Variants in VRK1 observed in about 807,000 individuals in gnomAD.
VRK1 encodes serine/threonine-protein kinase VRK1.
Under a neutral mutation model 57.1 loss-of-function variants are expected in VRK1, and 33 were observed. The observed-to-expected ratio is 0.58, with a 90% CI of 0.44 to 0.77. The LOEUF is 0.77. VRK1 is among the 30% of genes least tolerant of loss of function. The pLI is 0.00. For missense variants in VRK1, 413 were observed against 477.3 expected (o/e 0.87, Z 1.25); for synonymous variants, 137 against 147.8 (o/e 0.93, Z 0.53).
rs142551720 is a variant in VRK1, at chr14:96,797,737, C to T, written c.-6+290C>T. 7.9e-4 allele frequency among the ~76,000 whole-genome samples: 120 copies of T among 152,322 alleles called. 1 individual carries two copies. The highest frequency in any genetic ancestry group is 2.8e-3 in the African/African-American group (115 of 41,590). On this transcript the variant is annotated intron_variant, in intron 1 of 12. Coordinates refer to ENST00000216639, the MANE Select transcript of VRK1 (RefSeq NM_003384.3). ...CCATCTGAGCTCCACGTTCTGGACGCGCGTGGTGTCGCGGCCGAGCTCGCA... is the reference window on the plus strand; with the variant it reads ...CCATCTGAGCTCCACGTTCTGGACGTGCGTGGTGTCGCGGCCGAGCTCGCA...
chr14:96,853,293 C>T, intron 7 of VRK1, 127 bp downstream of exon 7: 1 of 794,062 alleles, frequency 1.3e-6, no homozygotes, highest in Non-Finnish European at 2.1e-6. Context: ...AATATTTCTT[C>T]TTGACACTTT....
rs143517628 is a variant in VRK1 at position 96,854,605 on chromosome 14, ATTTACT to A, written c.577-614_577-609del. Among the ~76,000 whole-genome samples, 534 of 152,328 alleles carry A rather than the reference ATTTACT, an allele frequency of 3.5e-3. 1 individual carries two copies. The highest frequency in any genetic ancestry group is 0.012 in the African/African-American group (489 of 41,566). On this transcript the variant is annotated intron_variant, in intron 7 of 12. Transcript: ENST00000216639. Reference sequence around the variant, plus strand: ...GAATAAGTATGTATATAATATTAAAATTTACTTTTAATCATGAAGACTTGGCTTTAG... The same window carrying A: ...GAATAAGTATGTATATAATATTAAAATTTAATCATGAAGACTTGGCTTTAG...
At chr14:96,845,997 G>T (rs1179560705) in intron 3 of VRK1, 98 bp from the exon 4 acceptor site, 10 of 1,102,050 alleles carry the variant, frequency 9.1e-6, no homozygotes, top group African/African-American at 1.6e-5. Flanking sequence ...AATTACATTG[G>T]ACAGAAAAAT....
At chr14:96,870,038 A>G (rs1481790183) in intron 11 of VRK1, among the ~76,000 whole-genome samples, 3 of 152,168 alleles carry the variant, frequency 2.0e-5, no homozygotes, top group Admixed American at 2.0e-4. Flanking sequence ...TACATTTTTA[A>G]TTCTTGAGCA....
intron 11 of VRK1, among the ~76,000 whole-genome samples, chr14:96,861,617 A>C (rs1888392426): frequency 6.6e-6 from 1 of 152,230 alleles, no homozygotes; most frequent in African/African-American, 2.4e-5. Flanking sequence ...CAGACGCAGC[A>C]CATTGAAAAG....
At chr14:96,805,236 A>G (rs930175457) in intron 1 of VRK1, among the ~76,000 whole-genome samples, 1 of 152,230 alleles carries the variant, frequency 6.6e-6, no homozygotes. Context: ...ACTGCATAAG[A>G]ACAAATGGCT....
chr14:96,828,000 C>T (rs1886865045), intron 1 of VRK1, among the ~76,000 whole-genome samples: 1 of 152,128 alleles, frequency 6.6e-6, no homozygotes, highest in African/African-American at 2.4e-5. Context: ...CCCTTAGTCC[C>T]CAAAGTGATA....
intron 1 of VRK1, among the ~76,000 whole-genome samples, chr14:96,805,066 G>C (rs1021442304): frequency 6.6e-6 from 1 of 152,210 alleles, no homozygotes; most frequent in African/African-American, 2.4e-5. Flanking sequence ...AACATGAAGA[G>C]TTCATAAATC....
chr14:96,818,466 C>T (rs1392422673), intron 1 of VRK1, among the ~76,000 whole-genome samples: 1 of 151,352 alleles, frequency 6.6e-6, no homozygotes. Flanking sequence ...TTCTTTCCAG[C>T]TTAGGTGTGA....
intron 1 of VRK1, among the ~76,000 whole-genome samples, chr14:96,807,497 A>G (rs1373691879): frequency 6.6e-6 from 1 of 152,218 alleles, no homozygotes; most frequent in East Asian, 1.9e-4. Context: ...CTTTGAATTG[A>G]ATTCTGTGCT....
chr14:96,818,731 G>A (rs554500316), intron 1 of VRK1, among the ~76,000 whole-genome samples: 3 of 152,072 alleles, frequency 2.0e-5, no homozygotes, highest in Admixed American at 2.0e-4. Context: ...GGACAGATTG[G>A]GTGTTCCTAA....
intron 1 of VRK1, among the ~76,000 whole-genome samples, chr14:96,805,046 A>C (rs910507161): frequency 6.6e-5 from 10 of 152,254 alleles, no homozygotes; most frequent in African/African-American, 2.4e-4. Context: ...TGAGCAACTG[A>C]AATGATAAAA....
chr14:96,864,523 A>T (rs79661341), intron 11 of VRK1, among the ~76,000 whole-genome samples: 1 of 152,172 alleles, frequency 6.6e-6, no homozygotes, highest in African/African-American at 2.4e-5. Context: ...TGGACATTCA[A>T]ATTGTTCCAG....
intron 1 of VRK1, among the ~76,000 whole-genome samples, chr14:96,818,677 A>G (rs1223140643): frequency 3.9e-5 from 6 of 152,144 alleles, no homozygotes; most frequent in Non-Finnish European, 7.4e-5. Flanking sequence ...GAATTTTTTT[A>G]TACTTTCATT....
chr14:96,842,673 A>G (rs1595667508), intron 3 of VRK1, among the ~76,000 whole-genome samples: 2 of 152,264 alleles, frequency 1.3e-5, no homozygotes, highest in South Asian at 4.1e-4. Context: ...GTAATAGCAT[A>G]TCACACAGTG....
intron 1 of VRK1, among the ~76,000 whole-genome samples, 160 bp from the exon 2 acceptor site, chr14:96,833,307 G>C (rs1327070607): frequency 6.6e-6 from 1 of 152,128 alleles, no homozygotes; most frequent in Non-Finnish European, 1.5e-5. Flanking sequence ...TAATCAAATA[G>C]GATTTGAGCC....
intron 11 of VRK1, among the ~76,000 whole-genome samples, chr14:96,869,663 TTAA>T (rs968516340): frequency 6.6e-6 from 1 of 152,182 alleles, no homozygotes; most frequent in African/African-American, 2.4e-5. Context: ...ATAAGTCAAA[TTAA>T]TGAGTTTGTA....
chr14:96,799,362 T>C (rs1292214846), intron 1 of VRK1, among the ~76,000 whole-genome samples: 1 of 151,954 alleles, frequency 6.6e-6, no homozygotes, highest in African/African-American at 2.4e-5. Flanking sequence ...TGTGAAATAA[T>C]AATAAATATA....
At chr14:96,877,506 TGA>T (rs1889090033) in intron 12 of VRK1, 4 of 1,289,310 alleles carry the variant, frequency 3.1e-6, no homozygotes, top group Non-Finnish European at 4.0e-6. Context: ...TATTAGGAAG[TGA>T]GGAGTCCCAA....
Sources: allele counts gnomAD v4.1 joint callset (sites outside exome capture counted in the v4.1 genomes callset), GRCh38; gene constraint gnomAD v4.1.1; transcripts MANE v1.5; gene names NCBI Gene and HGNC (gene_info 2026-07-23, HGNC 2026-07-21).